Variants in PLCB1 observed in about 807,000 individuals in gnomAD.
PLCB1 encodes the protein phospholipase C beta 1.
PLCB1 carries 46 observed loss-of-function variants against 161.8 expected under a neutral mutation model. The ratio of observed to expected loss-of-function variants is 0.28; its 90% CI spans 0.22 to 0.36. The LOEUF is 0.36. Ranked by LOEUF, PLCB1 falls within the 10% of genes least tolerant of loss-of-function variation. The pLI, the probability that PLCB1 is intolerant of heterozygous loss-of-function variation, is 1.00. For missense variants in PLCB1, 1,016 were observed against 1,472.5 expected (o/e 0.69, Z 5.07); for synonymous variants, 517 against 503.7 (o/e 1.03, Z -0.35).
intron 7 of PLCB1, 94 bp from the exon 8 acceptor site, chr20:8,657,090 G>T: frequency 1.3e-6 from 1 of 745,882 alleles, no homozygotes; most frequent in East Asian, 2.5e-5. Flanking sequence ...GGGAAGAAAA[G>T]AAAGGAGAGA....
chr20:8,224,594 T>G (rs1979578948), intron 2 of PLCB1, among the ~76,000 whole-genome samples: 1 of 152,114 alleles, frequency 6.6e-6, no homozygotes, highest in South Asian at 2.1e-4. Flanking sequence ...CATATCAGCT[T>G]TAAAAAAAAT....
chr20:8,319,864 G>A (rs930901778), intron 2 of PLCB1, among the ~76,000 whole-genome samples: 6 of 151,486 alleles, frequency 4.0e-5, no homozygotes, highest in Non-Finnish European at 7.4e-5. Flanking sequence ...GGGGAAGGGG[G>A]AGGGATAGCA....
At chr20:8,712,974 C>G (rs79850499) in intron 12 of PLCB1, among the ~76,000 whole-genome samples, 1,885 of 152,172 alleles carry the variant, frequency 0.012, 33 homozygotes, top group African/African-American at 0.035. Flanking sequence ...CCTTTTATTT[C>G]TGCAGTTCTG....
Position 8,634,948 on chromosome 20 carries a change from C to T in PLCB1, c.384+6517C>T, listed in dbSNP as rs185537247. ...TATAATATGGTAGTTTCCTAGACTG[C>T]CTTTCTCTCTTTTGTCCACCAAGAA... On this transcript the variant is annotated intron_variant, in intron 4 of 31. Transcript: ENST00000338037. Among the ~76,000 whole-genome samples, 357 of 152,206 alleles carry T rather than the reference C, an allele frequency of 2.3e-3. 4 individuals carry two copies. The highest frequency in any genetic ancestry group is 8.1e-3 in the African/African-American group (336 of 41,538).
intron 4 of PLCB1, among the ~76,000 whole-genome samples, chr20:8,638,643 C>A (rs181013018): frequency 6.6e-6 from 1 of 152,246 alleles, no homozygotes. Flanking sequence ...GTGATCATTG[C>A]CTTTCCAACC....
chr20:8,350,227 T>A (rs1405586928), intron 2 of PLCB1, among the ~76,000 whole-genome samples: 1 of 152,198 alleles, frequency 6.6e-6, no homozygotes, highest in Non-Finnish European at 1.5e-5. Flanking sequence ...TTTTTTCTGA[T>A]GCTCTCCCTC....
rs576534152 is a variant in PLCB1, at chr20:8,797,158, G to C, written c.3423+6897G>C. The stretch of plus-strand genomic sequence containing the variant: ...GAAGATAAACTTCCACCACCCTCTA[G>C]CATCTATTGCTGTTCTTGAGAGGTT... On this transcript the variant is annotated intron_variant, in intron 31 of 31. Transcript: ENST00000338037. 9.8e-3 allele frequency among the ~76,000 whole-genome samples: 1,488 copies of C among 152,074 alleles called. 32 individuals carry two copies. Among genetic ancestry groups the C allele is most frequent in the African/African-American group, 0.034 (1,418 of 41,480 alleles).
intron 2 of PLCB1, among the ~76,000 whole-genome samples, chr20:8,351,950 A>G (rs757804598): frequency 9.9e-5 from 15 of 152,102 alleles, no homozygotes; most frequent in Non-Finnish European, 2.2e-4. Flanking sequence ...ATAAAACTAA[A>G]CATACTCTTA....
intron 2 of PLCB1, among the ~76,000 whole-genome samples, chr20:8,368,528 CAAA>C (rs1216338206): frequency 0.26 from 15,827 of 62,004 alleles, 302 homozygotes; most frequent in Non-Finnish European, 0.28. Context: ...CTCTGTCTCT[CAAA>C]AAAAAAAAAA....
intron 4 of PLCB1, among the ~76,000 whole-genome samples, chr20:8,630,275 C>T (rs1308970165): frequency 7.2e-5 from 11 of 151,862 alleles, no homozygotes; most frequent in Non-Finnish European, 1.5e-4. Flanking sequence ...TTAGTAGAGA[C>T]GGGGTTTCAC....
intron 2 of PLCB1, among the ~76,000 whole-genome samples, chr20:8,211,523 T>C (rs940241963): frequency 2.0e-5 from 3 of 152,156 alleles, no homozygotes; most frequent in Non-Finnish European, 2.9e-5. Context: ...TTTGGACTTT[T>C]AGGTTCTCTA....
At chr20:8,531,903 G>C (rs188610796) in intron 3 of PLCB1, among the ~76,000 whole-genome samples, 1 of 146,326 alleles carries the variant, frequency 6.8e-6, no homozygotes, top group African/African-American at 2.5e-5. Flanking sequence ...TCATAAATTT[G>C]GTTTAATTTC....
intron 9 of PLCB1, among the ~76,000 whole-genome samples, chr20:8,674,690 T>C (rs1990032211): frequency 6.6e-6 from 1 of 152,148 alleles, no homozygotes; most frequent in South Asian, 2.1e-4. Context: ...GCTTCTCTCT[T>C]CAGGACATCA....
rs557996102 is a variant in PLCB1, at chr20:8,697,918, G to A, written c.1167+135G>A. The A allele has an allele frequency of 8.4e-5, 60 of 716,530 alleles. 2 individuals carry two copies. In the South Asian group the frequency reaches 1.5e-3, roughly 18 times the overall value. 44.4% of individuals were successfully genotyped at this position (716,530 alleles called of 1,614,324 possible). A position where few individuals can be genotyped will look rare whatever the true frequency, so the allele number is the denominator to read the frequency against. ...GTTAATCATCTTTGCAATTTCAGAG[G>A]CTAAAATTTGGCTGTTTATTCATGA... is the stretch of plus-strand genomic sequence containing the variant. On this transcript the variant is annotated intron_variant, in intron 11 of 31. Coordinates refer to ENST00000338037, the MANE Select transcript of PLCB1 (RefSeq NM_015192.4).
chr20:8,692,144 A>G (rs1990493394), intron 10 of PLCB1, among the ~76,000 whole-genome samples: 1 of 152,198 alleles, frequency 6.6e-6, no homozygotes, highest in African/African-American at 2.4e-5. Context: ...GCTATCCCCA[A>G]TAATCTGATG....
intron 2 of PLCB1, among the ~76,000 whole-genome samples, chr20:8,358,150 C>A (rs1379017248): frequency 7.5e-6 from 1 of 132,964 alleles, no homozygotes; most frequent in Admixed American, 7.1e-5. Flanking sequence ...CCAATAACAG[C>A]AAGCCTTTGG....
chr20:8,324,199 GGTGTGTGT>G lies in PLCB1; in HGVS notation c.178-47149_178-47142del, dbSNP rs60079589. 7.5e-3 allele frequency among the ~76,000 whole-genome samples: 1,098 copies of G among 147,086 alleles called. 10 individuals are homozygous for G. The highest frequency in any genetic ancestry group is 0.046 in the Middle Eastern group (13 of 284). ...AGTTCACAGTCTCTAAACTGGTAGG[GGTGTGTGT>G]GTGTGTGTGTGTGTGTGTGTGTGTG... On this transcript the variant is annotated intron_variant, in intron 2 of 31. Coordinates refer to ENST00000338037, the MANE Select transcript of PLCB1 (RefSeq NM_015192.4).
At chr20:8,334,680 A>G (rs1057179410) in intron 2 of PLCB1, among the ~76,000 whole-genome samples, 2 of 152,260 alleles carry the variant, frequency 1.3e-5, no homozygotes, top group Admixed American at 6.5e-5. Context: ...ACTTCTTGAC[A>G]AAGAATTGGT....
At chr20:8,402,741 A>C (rs922407199) in intron 3 of PLCB1, among the ~76,000 whole-genome samples, 11 of 151,678 alleles carry the variant, frequency 7.3e-5, no homozygotes, top group African/African-American at 2.7e-4. Context: ...GCTACTCGGG[A>C]GGCTGAGGCA....
Sources: gnomAD v4.1 joint callset for allele counts (sites outside exome capture counted in the v4.1 genomes callset) on GRCh38, gnomAD v4.1.1 for gene constraint, MANE v1.5 for transcripts, NCBI Gene and HGNC (gene_info 2026-07-23, HGNC 2026-07-21) for gene names.